Variants in PTPRO observed in about 807,000 individuals in gnomAD.
PTPRO encodes the protein receptor-type tyrosine-protein phosphatase O.
Under a neutral mutation model 145.2 loss-of-function variants are expected in PTPRO, and 62 were observed. The observed-to-expected ratio is 0.43, with a 90% CI of 0.35 to 0.53. The LOEUF is 0.53. Among genes scored for constraint, PTPRO ranks in the 20% least tolerant of loss-of-function variants. The pLI is 0.01. For missense variants in PTPRO, 1,345 were observed against 1,482.7 expected, an observed-to-expected ratio of 0.91 and a Z score of 1.53; for synonymous variants, 565 against 514.7, an observed-to-expected ratio of 1.10 and a Z score of -1.32.
chr12:15,418,962 C>A (rs1441090057), intron 1 of PTPRO, among the ~76,000 whole-genome samples: 1 of 151,546 alleles, frequency 6.6e-6, no homozygotes, highest in Non-Finnish European at 1.5e-5. Context: ...TTTTTTAAAG[C>A]TTCAAGAGTA....
chr12:15,457,291 T>C (rs75704488), intron 1 of PTPRO, among the ~76,000 whole-genome samples: 1 of 152,350 alleles, frequency 6.6e-6, no homozygotes, highest in Non-Finnish European at 1.5e-5. Context: ...ACAGACAGCC[T>C]ATTGTGGGTA....
chr12:15,360,828 GTATA>G (rs200700897), intron 1 of PTPRO, among the ~76,000 whole-genome samples: 1 of 113,804 alleles, frequency 8.8e-6, no homozygotes, highest in Non-Finnish European at 1.9e-5. Context: ...ATATGTGTGT[GTATA>G]TATATACGTG....
At chr12:15,574,776 G>A (rs1162017861) in intron 19 of PTPRO, among the ~76,000 whole-genome samples, 1 of 152,058 alleles carries the variant, frequency 6.6e-6, no homozygotes, top group East Asian at 1.9e-4. Context: ...TGGATTTTTT[G>A]TAATCATGCG....
intron 3 of PTPRO, among the ~76,000 whole-genome samples, chr12:15,499,137 C>T (rs900202809): frequency 7.2e-5 from 11 of 152,084 alleles, no homozygotes; most frequent in African/African-American, 2.7e-4. Context: ...GTAAACTTAA[C>T]CTCTACAATT....
At chr12:15,349,299 TAAG>T (rs1481292603) in intron 1 of PTPRO, among the ~76,000 whole-genome samples, 1 of 152,168 alleles carries the variant, frequency 6.6e-6, no homozygotes, top group African/African-American at 2.4e-5. Context: ...CATGTTAAGC[TAAG>T]AAGGAGTGCA....
At chr12:15,380,834 T>G (rs11836356) in intron 1 of PTPRO, among the ~76,000 whole-genome samples, 2,476 of 152,300 alleles carry the variant, frequency 0.016, 70 homozygotes, top group African/African-American at 0.056. Context: ...CAAAATATAC[T>G]TTCATTTGAA....
At chr12:15,573,733 A>G (rs1486820247) in intron 19 of PTPRO, among the ~76,000 whole-genome samples, 1 of 152,150 alleles carries the variant, frequency 6.6e-6, no homozygotes, top group African/African-American at 2.4e-5. Context: ...GACTTCAGAT[A>G]TTACCAGTCC....
chr12:15,504,327 C>T (rs975500825), intron 6 of PTPRO, among the ~76,000 whole-genome samples: 6 of 151,980 alleles, frequency 3.9e-5, no homozygotes, highest in South Asian at 4.2e-4. Context: ...ATTAAACTGA[C>T]CTTTCACATT....
In PTPRO at chr12:15,508,629, C is replaced by A. The variant is rs752125817; in HGVS notation, c.1326C>A (p.His442Gln). ...AGAAGCCGCAGCACGTGAGTGTCCA[C>A]GTTTTAAGCTCAACCACTGCCTTGA... ...LTEKPQHVSVHVLSSTTALMS... is the reference protein window; with the variant it reads ...LTEKPQHVSVQVLSSTTALMS... Residue 442 changes from histidine (H) to glutamine (Q), a missense_variant, in exon 7 of 27, where the codon CAC becomes CAA. By Grantham distance (24) the His-to-Gln change is conservative. This residue lies in a region of PTPRO where 1,130 missense variants were observed against 1,214.7 expected (regional missense o/e 0.93). Transcript: ENST00000281171. 2.5e-6 allele frequency: 4 copies of A among 1,614,034 alleles called. No individual in the cohort carries two copies. In the East Asian group the frequency reaches 8.9e-5, roughly 36 times the overall value.
intron 1 of PTPRO, among the ~76,000 whole-genome samples, chr12:15,375,879 G>A (rs1938672551): frequency 6.6e-6 from 1 of 151,970 alleles, no homozygotes; most frequent in African/African-American, 2.4e-5. Flanking sequence ...GCATATTTGA[G>A]TTGGCAAAAG....
Position 15,330,517 on chromosome 12 carries a change from T to G in PTPRO, c.75+7716T>G, listed in dbSNP as rs912034898. Among the ~76,000 whole-genome samples, 122 of 152,200 alleles carry G rather than the reference T, an allele frequency of 8.0e-4. 1 individual carries two copies. Among genetic ancestry groups the G allele is most frequent in the African/African-American group, 2.8e-3 (116 of 41,448 alleles). On this transcript the variant is annotated intron_variant, in intron 1 of 26. Coordinates refer to ENST00000281171, the MANE Select transcript of PTPRO (RefSeq NM_030667.3). ...CCAGGAAGTGTCCCTCTATGGACCA[T>G]TTCTTCCTGTTCCCTTGCCCTTTGG... is the stretch of plus-strand genomic sequence containing the variant.
intron 1 of PTPRO, among the ~76,000 whole-genome samples, chr12:15,416,998 G>T (rs1250011082): frequency 1.3e-5 from 2 of 151,656 alleles, no homozygotes; most frequent in Non-Finnish European, 2.9e-5. Context: ...GTAATTGATA[G>T]ATTATCTTAG....
rs918359967 is a variant in PTPRO, at chr12:15,388,374, C to A, written c.75+65573C>A. Among the ~76,000 whole-genome samples the A allele has an allele frequency of 2.0e-5, 3 of 152,036 alleles. No homozygotes were observed. In the East Asian group the frequency reaches 5.8e-4, roughly 29 times the overall value. ...CTCACCCACCCTGAGTTTTACTGTACAATTCTGTTTTTTTAATTGAAACTG... is the reference window on the plus strand; with the variant it reads ...CTCACCCACCCTGAGTTTTACTGTAAAATTCTGTTTTTTTAATTGAAACTG... On this transcript the variant is annotated intron_variant, in intron 1 of 26. Coordinates refer to ENST00000281171, the MANE Select transcript of PTPRO (RefSeq NM_030667.3).
rs35896369 is a variant in PTPRO, at chr12:15,509,374, G to GA, written c.1464+621dup. ...ACTGTAAAAGTAACGCATTCTTGCT[G>GA]AAAAAAAAAAAAAACTTAAAAATGT... On this transcript the variant is annotated intron_variant, in intron 7 of 26. Coordinates refer to ENST00000281171, the MANE Select transcript of PTPRO (RefSeq NM_030667.3). Among the ~76,000 whole-genome samples the GA allele has an allele frequency of 7.7e-3, 1,121 of 145,922 alleles. 43 individuals are homozygous for GA. The East Asian group carries it at 0.12, about 16-fold the overall frequency.
chr12:15,546,422 G>C, intron 12 of PTPRO, 147 bp from the exon 13 acceptor site: 1 of 1,460,016 alleles, frequency 6.8e-7, no homozygotes, highest in Non-Finnish European at 9.0e-7. Flanking sequence ...CTTTATGAAA[G>C]GACATATTTC....
intron 1 of PTPRO, among the ~76,000 whole-genome samples, chr12:15,385,852 A>AT (rs1939011028): frequency 6.6e-6 from 1 of 151,102 alleles, no homozygotes; most frequent in Non-Finnish European, 1.5e-5. Context: ...AGAAGGACAG[A>AT]TGCTAGATAG....
chr12:15,436,336 A>T (rs1157513401), intron 1 of PTPRO, among the ~76,000 whole-genome samples: 1 of 152,250 alleles, frequency 6.6e-6, no homozygotes. Flanking sequence ...ATTTATAAAA[A>T]GTTAAAGCAA....
At chr12:15,456,659 A>G (rs935476004) in intron 1 of PTPRO, among the ~76,000 whole-genome samples, 9 of 152,230 alleles carry the variant, frequency 5.9e-5, no homozygotes, top group Admixed American at 2.0e-4. Flanking sequence ...AGGTCTTTTC[A>G]GATTTTCTAT....
intron 1 of PTPRO, among the ~76,000 whole-genome samples, chr12:15,450,893 T>C (rs1052992708): frequency 5.3e-5 from 8 of 151,994 alleles, no homozygotes; most frequent in African/African-American, 1.5e-4. Context: ...CCTCAAAGCA[T>C]AAGTCTCACA....
Sources: allele counts gnomAD v4.1 joint callset (sites outside exome capture counted in the v4.1 genomes callset), GRCh38; gene constraint gnomAD v4.1.1; regional missense constraint gnomAD v4.1.1; transcripts MANE v1.5; gene names NCBI Gene and HGNC (gene_info 2026-07-23, HGNC 2026-07-21).